The following MTA3 variants were observed in gnomAD, a reference collection of about 807,000 sequenced individuals.
MTA3 encodes the protein metastasis-associated protein MTA3.
Under a neutral mutation model 83.5 loss-of-function variants are expected in MTA3, and 34 were observed. The ratio of observed to expected loss-of-function variants is 0.41; its 90% CI spans 0.31 to 0.54. The LOEUF is 0.54. MTA3 is among the 20% of genes least tolerant of loss of function. The pLI is 0.33. For missense variants in MTA3, 761 were observed against 726.4 expected, an observed-to-expected ratio of 1.05 and a Z score of -0.55; for synonymous variants, 303 against 252.7, an observed-to-expected ratio of 1.20 and a Z score of -1.89.
intron 15 of MTA3, among the ~76,000 whole-genome samples, chr2:42,721,158 A>G (rs965501376): frequency 3.3e-5 from 5 of 151,994 alleles, no homozygotes; most frequent in African/African-American, 1.2e-4. Flanking sequence ...CACTGTACTA[A>G]GTGATTTGGG....
chr2:42,610,195 CA>C (rs1434434576), intron 4 of MTA3, among the ~76,000 whole-genome samples: 1 of 152,206 alleles, frequency 6.6e-6, no homozygotes, highest in Non-Finnish European at 1.5e-5. Context: ...GAGGGTCTAG[CA>C]GACATCATTT....
At position 42,627,725 on chromosome 2, in the gene MTA3, A is replaced by ATT. The variant is rs869227831; in HGVS notation, c.318-12425_318-12424dup. On this transcript the variant is annotated intron_variant, in intron 4 of 16. Transcript: ENST00000405094. Reference sequence around the variant, plus strand: ...AGTATGTGCCACCAAGCCTGGCTAAATTTTTTTTTTTTTTTTTTTTTTTTG... The same window carrying ATT: ...AGTATGTGCCACCAAGCCTGGCTAAATTTTTTTTTTTTTTTTTTTTTTTTTTG... Among the ~76,000 whole-genome samples, 149 of 103,382 alleles carry ATT rather than the reference A, an allele frequency of 1.4e-3. 1 individual carries two copies. The highest frequency in any genetic ancestry group is 3.4e-3 in the African/African-American group (85 of 25,000). The allele number at this position is 103,382 out of a possible 152,430, so 67.8% of individuals were successfully genotyped here.
chr2:42,749,114 A>G (rs139051761), intron 16 of MTA3, among the ~76,000 whole-genome samples: 9 of 152,336 alleles, frequency 5.9e-5, no homozygotes, highest in African/African-American at 2.2e-4. Context: ...CTGTACTTGC[A>G]TAGTTCAGAA....
At chr2:42,651,527 T>C (rs905290374) in intron 6 of MTA3, among the ~76,000 whole-genome samples, 1 of 150,544 alleles carries the variant, frequency 6.6e-6, no homozygotes, top group Admixed American at 6.6e-5. Flanking sequence ...TGGTGGCTCA[T>C]GCTTGTAATC....
intron 2 of MTA3, among the ~76,000 whole-genome samples, chr2:42,573,855 G>C (rs1341115378): frequency 6.6e-6 from 1 of 151,236 alleles, no homozygotes; most frequent in Non-Finnish European, 1.5e-5. Context: ...GTCTCGCTCC[G>C]TCGACCAGGC....
At chr2:42,505,568 C>G (rs1266748473) in intron 2 of MTA3, among the ~76,000 whole-genome samples, 1 of 151,846 alleles carries the variant, frequency 6.6e-6, no homozygotes, top group Non-Finnish European at 1.5e-5. Context: ...GAGGGAGGAA[C>G]CAGTTAGGTG....
At chr2:42,652,181 G>A (rs1222608500) in intron 6 of MTA3, among the ~76,000 whole-genome samples, 1 of 152,194 alleles carries the variant, frequency 6.6e-6, no homozygotes, top group Non-Finnish European at 1.5e-5. Flanking sequence ...TTACGTGGAT[G>A]AACCTTCGAG....
intron 2 of MTA3, among the ~76,000 whole-genome samples, chr2:42,570,781 C>G (rs1024529049): frequency 6.6e-6 from 1 of 151,870 alleles, no homozygotes; most frequent in Admixed American, 6.6e-5. Context: ...GAGGCTGAGG[C>G]GGGCGGATCA....
chr2:42,502,848 A>C (rs1006247836), intron 2 of MTA3, among the ~76,000 whole-genome samples: 2 of 150,422 alleles, frequency 1.3e-5, no homozygotes, highest in African/African-American at 2.5e-5. Flanking sequence ...CTGTAATCCC[A>C]GCTATTCAGG....
At chr2:42,711,162 C>G (rs1016225516) in intron 14 of MTA3, among the ~76,000 whole-genome samples, 1 of 152,094 alleles carries the variant, frequency 6.6e-6, no homozygotes. Flanking sequence ...TGGTGGGGAT[C>G]CAGTATCATC....
intron 2 of MTA3, among the ~76,000 whole-genome samples, chr2:42,549,819 C>G (rs1204966789): frequency 1.3e-5 from 2 of 148,406 alleles, no homozygotes; most frequent in African/African-American, 5.0e-5. Flanking sequence ...CTTGGGCCAC[C>G]CAACTCCGTC....
At position 42,707,906 on chromosome 2, in the gene MTA3, C is replaced by A; in HGVS notation, c.1154C>A (p.Thr385Lys). 6.4e-7 allele frequency: 1 copy of A among 1,557,424 alleles called. No individual in the cohort carries two copies. Among genetic ancestry groups the A allele is most frequent in the Admixed American group, 2.1e-5 (1 of 46,632 alleles). Residue 385 changes from threonine (T) to lysine (K), a missense_variant, in exon 13 of 17, where the codon ACA (threonine) becomes AAA (lysine). Transcript: ENST00000405094. ...LGRACESCYATQSHQWYSWGP... is the reference protein window; with the variant it reads ...LGRACESCYAKQSHQWYSWGP... ...TCTTATTTTTCTTCTGCTTTAGCTACACAGTCTCACCAGTGGTATTCTTGG... is the reference window on the plus strand; with the variant it reads ...TCTTATTTTTCTTCTGCTTTAGCTAAACAGTCTCACCAGTGGTATTCTTGG...
In MTA3 at chr2:42,664,888, T is replaced by C. The variant is rs139724895; in HGVS notation, c.702+5026T>C. On this transcript the variant is annotated intron_variant, in intron 8 of 16. Coordinates refer to ENST00000405094, the MANE Select transcript of MTA3 (RefSeq NM_001330442.2). The stretch of plus-strand genomic sequence containing the variant: ...TTTATGCTACTTGTCAAATCACCAA[T>C]AATGTATTGGGAGCAGGTAATTAAA... Among the ~76,000 whole-genome samples, 885 of 152,292 alleles carry C rather than the reference T, an allele frequency of 5.8e-3. 7 individuals carry two copies. Among genetic ancestry groups the C allele is most frequent in the African/African-American group, 0.019 (804 of 41,572 alleles).
rs1172020665 is a variant in MTA3, at chr2:42,613,786, C to A, written c.317+4202C>A. 3.9e-5 allele frequency: 6 copies of A among 152,182 alleles called. No homozygotes were observed. The East Asian group carries it at 1.2e-3, about 29-fold the overall frequency. The allele number at this position is 152,182 out of a possible 1,614,324, so 9.4% of individuals were successfully genotyped here. ...GTGGCAGGGAGGAAACTCTTTGTTT[C>A]TTCTGATTCCACCGGAAGAGAGAGT... On this transcript the variant is annotated intron_variant, in intron 4 of 16. Transcript: ENST00000405094.
intron 2 of MTA3, among the ~76,000 whole-genome samples, chr2:42,559,281 C>T (rs1677547117): frequency 6.6e-6 from 1 of 151,796 alleles, no homozygotes; most frequent in African/African-American, 2.4e-5. Context: ...GAGGGTGGAT[C>T]ACATGAGGTC....
At chr2:42,520,061 G>A (rs1675350875) in intron 2 of MTA3, among the ~76,000 whole-genome samples, 1 of 152,148 alleles carries the variant, frequency 6.6e-6, no homozygotes, top group Non-Finnish European at 1.5e-5. Context: ...TAAATAAAGT[G>A]ATTGAGTTCA....
intron 4 of MTA3, among the ~76,000 whole-genome samples, chr2:42,620,004 A>G (rs544496487): frequency 3.3e-5 from 5 of 152,286 alleles, no homozygotes; most frequent in African/African-American, 1.2e-4. Context: ...CCTTCTTTAT[A>G]ATTGAGGTGA....
intron 6 of MTA3, among the ~76,000 whole-genome samples, chr2:42,649,765 A>G (rs1465427275): frequency 6.6e-6 from 1 of 152,206 alleles, no homozygotes; most frequent in Non-Finnish European, 1.5e-5. Context: ...ACAGATGAAG[A>G]GACTCTGAAG....
At chr2:42,630,964 A>G (rs938337250) in intron 4 of MTA3, among the ~76,000 whole-genome samples, 2 of 152,202 alleles carry the variant, frequency 1.3e-5, no homozygotes, top group Non-Finnish European at 1.5e-5. Flanking sequence ...CTAACTTTAT[A>G]TAAGTAATAA....
Sources: gnomAD v4.1 joint callset for allele counts (sites outside exome capture counted in the v4.1 genomes callset) on GRCh38, gnomAD v4.1.1 for gene constraint, MANE v1.5 for transcripts, NCBI Gene and HGNC (gene_info 2026-07-23, HGNC 2026-07-21) for gene names.